CYBC1: variants seen among roughly 807,000 people sequenced by gnomAD.
CYBC1 encodes cytochrome b-245 chaperone 1, also known as essential for reactive oxygen species protein.
CYBC1 carries 22 observed loss-of-function variants against 21.7 expected under a neutral mutation model. The ratio of observed to expected loss-of-function variants is 1.02; its 90% CI spans 0.73 to 1.45. The LOEUF is 1.45. CYBC1 is among the 40% of genes most tolerant of loss of function. The pLI is 0.00. For synonymous variants in CYBC1, 112 were observed against 98.7 expected, an observed-to-expected ratio of 1.13 and a Z score of -0.80; for missense variants, 237 against 242.1, an observed-to-expected ratio of 0.98 and a Z score of 0.14.
chr17:82,444,362 G>T, intron 6 of CYBC1, 85 bp downstream of exon 6: 2 of 1,522,624 alleles, frequency 1.3e-6, no homozygotes, highest in Non-Finnish European at 8.9e-7. Context: ...TCCTCTCCCA[G>T]CTGCCCCATA....
intron 3 of CYBC1, 195 bp from the exon 4 acceptor site, chr17:82,446,891 C>T: frequency 3.3e-6 from 2 of 602,926 alleles, no homozygotes; most frequent in East Asian, 2.8e-5. Flanking sequence ...CTCTGACCCC[C>T]AGAGTCCACG....
chr17:82,444,653 C>T, intron 5 of CYBC1, 62 bp from the exon 6 acceptor site: 3 of 1,535,562 alleles, frequency 2.0e-6, no homozygotes, highest in Middle Eastern at 1.7e-4. Flanking sequence ...GGCAGTCGCA[C>T]CAGCGCCACT....
At chr17:82,446,908 A>C in intron 3 of CYBC1, 1 of 591,092 alleles carries the variant, frequency 1.7e-6, no homozygotes, top group South Asian at 2.0e-5. Flanking sequence ...CACGTGAGAG[A>C]GGCAGGTGGG....
At chr17:82,446,552 T>C (rs959588100) in intron 4 of CYBC1, 71 bp downstream of exon 4, 76 of 1,494,710 alleles carry the variant, frequency 5.1e-5, no homozygotes, top group South Asian at 2.7e-4. Flanking sequence ...TCCTCCTCCT[T>C]TCATTCCCAT....
intron 6 of CYBC1, 122 bp downstream of exon 6, chr17:82,444,325 C>T: frequency 1.4e-6 from 2 of 1,466,394 alleles, no homozygotes; most frequent in Non-Finnish European, 1.8e-6. Context: ...CCCGTGGGCC[C>T]CTCTGTGTCC....
chr17:82,446,007 G>T, intron 4 of CYBC1, 47 bp from the exon 5 acceptor site: 2 of 1,532,208 alleles, frequency 1.3e-6, no homozygotes, highest in Non-Finnish European at 1.8e-6. Flanking sequence ...AGGAACGGGG[G>T]CCCCGTGGCC....
intron 1 of CYBC1, chr17:82,450,046 A>C (rs1405032792): frequency 6.6e-6 from 1 of 152,076 alleles, no homozygotes; most frequent in African/African-American, 2.4e-5. Flanking sequence ...CTTTGGGAGG[A>C]CGAGGCGTGC....
intron 2 of CYBC1, 68 bp from the exon 3 acceptor site, chr17:82,447,689 C>G (rs1465857162): frequency 2.8e-6 from 4 of 1,405,118 alleles, no homozygotes; most frequent in Non-Finnish European, 3.9e-6. Context: ...TGCAGCGGGA[C>G]CAGGAGCCAC....
chr17:82,448,142 G>C, intron 2 of CYBC1: 1 of 225,090 alleles, frequency 4.4e-6, no homozygotes, highest in Non-Finnish European at 8.8e-6. Flanking sequence ...AGCTGCTGAG[G>C]TACAGCCAGC....
chr17:82,445,938 G>A lies in CYBC1; in HGVS notation c.224C>T (p.Thr75Ile), dbSNP rs2054260236. Residue 75 changes from threonine to isoleucine, a missense_variant, in exon 5 of 7, where the codon ACA (threonine) becomes ATA (isoleucine). By Grantham distance (89) the Thr-to-Ile change is moderately conservative. Transcript: ENST00000306645. The part of the protein sequence containing the change: ...DWEEAIFDKS[T>I]GKVVLKTFSL... ...GAACGTCTTCAAAACAACCTTCCCT[G>A]TGCTCTTGTCGAAGATGGCTTCCTG... The A allele has an allele frequency of 6.2e-7, 1 of 1,613,876 alleles. No homozygotes were observed. Among genetic ancestry groups the A allele is most frequent in the Non-Finnish European group, 8.5e-7 (1 of 1,179,866 alleles).
chr17:82,447,815 C>T, intron 2 of CYBC1, 194 bp from the exon 3 acceptor site: 1 of 643,744 alleles, frequency 1.6e-6, no homozygotes, highest in East Asian at 2.7e-5. Flanking sequence ...TGCAGTATAG[C>T]TGGGCGTAGT....
intron 2 of CYBC1, chr17:82,448,937 CAT>C: frequency 1.9e-6 from 1 of 537,910 alleles, no homozygotes; most frequent in Non-Finnish European, 3.3e-6. Flanking sequence ...CAGAAAAGCT[CAT>C]AGAGTATATT....
chr17:82,444,093 T>C lies in CYBC1; in HGVS notation c.475A>G (p.Ser159Gly). The C allele has an allele frequency of 6.2e-7, 1 of 1,612,986 alleles. No individual in the cohort carries two copies. Among genetic ancestry groups the C allele is most frequent in the Admixed American group, 1.7e-5 (1 of 60,000 alleles). ...TCAAGGCAGTGCAGCTCCAGGAAGCTGGTGATGAGCTTGGCGATGGCTTCC... is the reference window on the plus strand; with the variant it reads ...TCAAGGCAGTGCAGCTCCAGGAAGCCGGTGATGAGCTTGGCGATGGCTTCC... Reference protein sequence around the residue: ...DVEAIAKLITSFLELHCLESP... With the variant: ...DVEAIAKLITGFLELHCLESP... Residue 159 changes from serine to glycine, a missense_variant, in exon 7 of 7, where the codon AGC becomes GGC. Transcript: ENST00000306645.
In CYBC1 at chr17:82,444,578, G is replaced by C; in HGVS notation, c.312C>G (p.Leu104=). 1.2e-6 allele frequency: 2 copies of C among 1,609,776 alleles called. No homozygotes were observed. Among genetic ancestry groups the C allele is most frequent in the South Asian group, 1.1e-5 (1 of 90,866 alleles). ...CCACGCTCACATCACGGACATCATG[G>C]AGCAGGACCACCACTGCGGGGAGAC... ...RAGHDQVVVL[L]HDVRDVSVEE... Residue 104 remains leucine, a synonymous_variant, in exon 6 of 7, where the codon CTC becomes CTG. Coordinates refer to ENST00000306645, the MANE Select transcript of CYBC1 (RefSeq NM_001033046.4).
intron 3 of CYBC1, 97 bp from the exon 4 acceptor site, chr17:82,446,793 C>A: frequency 7.7e-7 from 1 of 1,301,354 alleles, no homozygotes; most frequent in South Asian, 1.2e-5. Context: ...GGCCAGAGCC[C>A]ACGCTTGCAA....
rs1406910787 is a variant in CYBC1, at chr17:82,446,665, T to C, written c.159A>G (p.Thr53=). ...DSLGWKLFYV[T]GCLFVAVQNL... ...TCTGCACAGCCACAAACAGGCAGCC[T>C]GTGACGTAGAAGAGCTTCCAGCCCA... is the stretch of plus-strand genomic sequence containing the variant. The change falls in exon 4 of 7, where the codon ACA becomes ACG. Residue 53 remains threonine, a synonymous_variant. Transcript: ENST00000306645. 1 of 1,614,108 alleles carries C rather than the reference T, an allele frequency of 6.2e-7. No individual in the cohort carries two copies. The highest frequency in any genetic ancestry group is 2.2e-5 in the East Asian group (1 of 44,884).
chr17:82,447,154 C>G (rs1489700791), intron 3 of CYBC1: 1 of 300,130 alleles, frequency 3.3e-6, no homozygotes, highest in Non-Finnish European at 6.3e-6. Flanking sequence ...GAGATCGAGA[C>G]CATCCCGGCT....
chr17:82,444,896 T>C, intron 5 of CYBC1: 1 of 313,750 alleles, frequency 3.2e-6, no homozygotes. Context: ...TACACTGCAC[T>C]GTTCCTCCAG....
chr17:82,444,190 A>G, intron 6 of CYBC1, 66 bp from the exon 7 acceptor site: 1 of 1,569,666 alleles, frequency 6.4e-7, no homozygotes, highest in Non-Finnish European at 8.6e-7. Context: ...GAGACCCCAC[A>G]GCAGTCTCCT....
Sources: gnomAD v4.1 joint callset for allele counts on GRCh38, gnomAD v4.1.1 for gene constraint, MANE v1.5 for transcripts, NCBI Gene and HGNC (gene_info 2026-07-23, HGNC 2026-07-21) for gene names.